ATP8B1: variants seen among roughly 807,000 people sequenced by gnomAD.
The protein encoded by ATP8B1 is ATPase phospholipid transporting 8B1.
ATP8B1 carries 80 observed loss-of-function variants against 149.9 expected under a neutral mutation model. The ratio of observed to expected loss-of-function variants is 0.53; its 90% CI spans 0.45 to 0.64. ATP8B1 has a LOEUF of 0.64. ATP8B1 is among the 30% of genes least tolerant of loss of function. The pLI, the probability that ATP8B1 is intolerant of heterozygous loss-of-function variation, is 0.00. For missense variants in ATP8B1, 1,247 were observed against 1,552.6 expected (o/e 0.80, Z 3.31); for synonymous variants, 536 against 562.8 (o/e 0.95, Z 0.67).
chr18:57,720,512 T>G (rs2079633177), intron 2 of ATP8B1, among the ~76,000 whole-genome samples: 1 of 113,626 alleles, frequency 8.8e-6, no homozygotes, highest in South Asian at 3.5e-4. Flanking sequence ...GAAGATGAAA[T>G]GAATGAAATG....
chr18:57,677,540 G>C (rs944752842), intron 15 of ATP8B1, among the ~76,000 whole-genome samples: 1 of 132,978 alleles, frequency 7.5e-6, no homozygotes, highest in Admixed American at 8.4e-5. Flanking sequence ...GTGGCAGAGA[G>C]AGCTAAACAC....
At chr18:57,790,067 C>T (rs1408788786) in intron 1 of ATP8B1, among the ~76,000 whole-genome samples, 3 of 152,188 alleles carry the variant, frequency 2.0e-5, no homozygotes, top group African/African-American at 7.2e-5. Flanking sequence ...TCAGTGATGC[C>T]ATCACCTTTA....
rs1419685258 is a variant in ATP8B1, at chr18:57,753,661, C to T, written c.-25-21829G>A. On this transcript the variant is annotated intron_variant, in intron 1 of 27. Transcript: ENST00000648908. Reference sequence around the variant, plus strand: ...ATGAAATACAGGCCGGGCACAGTGGCTCACGCCTGTAATCCCAGCGCTTTG... The same window carrying T: ...ATGAAATACAGGCCGGGCACAGTGGTTCACGCCTGTAATCCCAGCGCTTTG... Among the ~76,000 whole-genome samples the T allele has an allele frequency of 3.3e-5, 5 of 152,204 alleles. No homozygotes were observed. In the East Asian group the frequency reaches 9.6e-4, roughly 29 times the overall value.
intron 1 of ATP8B1, among the ~76,000 whole-genome samples, chr18:57,739,103 C>G (rs527337212): frequency 2.6e-5 from 4 of 152,250 alleles, no homozygotes; most frequent in Non-Finnish European, 5.9e-5. Flanking sequence ...TCAAGCGATT[C>G]TCCTGCCTCA....
At chr18:57,668,051 A>G in intron 19 of ATP8B1, 2 of 1,252,846 alleles carry the variant, frequency 1.6e-6, no homozygotes, top group Non-Finnish European at 2.1e-6. Flanking sequence ...AGAAAACCAA[A>G]GTTATTGTTC....
At chr18:57,719,116 C>G (rs1306818506) in intron 2 of ATP8B1, among the ~76,000 whole-genome samples, 1 of 152,154 alleles carries the variant, frequency 6.6e-6, no homozygotes, top group Non-Finnish European at 1.5e-5. Flanking sequence ...AAAGACTCCA[C>G]CAAAAAACTA....
intron 25 of ATP8B1, 119 bp from the exon 26 acceptor site, chr18:57,652,291 G>A (rs2122561298): frequency 6.8e-7 from 1 of 1,465,510 alleles, no homozygotes; most frequent in East Asian, 2.4e-5. Flanking sequence ...TTGAATACTG[G>A]ACCAGAAACT....
At chr18:57,664,501 G>GAA (rs532262308) in intron 20 of ATP8B1, among the ~76,000 whole-genome samples, 23,635 of 99,354 alleles carry the variant, frequency 0.24, 2,828 homozygotes, top group South Asian at 0.32. Context: ...GTCTTTCTAA[G>GAA]AAAAAAAAAA....
intron 20 of ATP8B1, among the ~76,000 whole-genome samples, chr18:57,665,238 A>G (rs1910778319): frequency 6.6e-6 from 1 of 151,788 alleles, no homozygotes; most frequent in African/African-American, 2.4e-5. Flanking sequence ...GCCGTAAGAG[A>G]AAAAAAATGA....
chr18:57,753,267 A>G (rs543419677), intron 1 of ATP8B1, among the ~76,000 whole-genome samples: 16 of 152,368 alleles, frequency 1.1e-4, no homozygotes, highest in African/African-American at 3.6e-4. Flanking sequence ...ACATTTCAAA[A>G]CCAGGTTGAA....
chr18:57,694,442 T>A (rs1384025313), intron 11 of ATP8B1, 140 bp downstream of exon 11: 7 of 613,996 alleles, frequency 1.1e-5, no homozygotes, highest in African/African-American at 5.6e-5. Context: ...CCCTTCTTCC[T>A]GCATTTGAAG....
chr18:57,649,045 G>A (rs978113840), intron 27 of ATP8B1, among the ~76,000 whole-genome samples: 3 of 151,932 alleles, frequency 2.0e-5, no homozygotes, highest in Admixed American at 6.6e-5. Flanking sequence ...TTACAGGCAC[G>A]CACTGCCACA....
intron 20 of ATP8B1, among the ~76,000 whole-genome samples, chr18:57,664,808 TG>T (rs1910753930): frequency 6.6e-6 from 1 of 152,210 alleles, no homozygotes; most frequent in Non-Finnish European, 1.5e-5. Flanking sequence ...TGATGTGATT[TG>T]CCTGCTGCAG....
Position 57,713,191 on chromosome 18 carries a change from CTTT to C in ATP8B1, c.182-6607_182-6605del, listed in dbSNP as rs1568207476. Among the ~76,000 whole-genome samples, 155 of 85,572 alleles carry C rather than the reference CTTT, an allele frequency of 1.8e-3. 1 individual carries two copies. Among genetic ancestry groups the C allele is most frequent in the Middle Eastern group, 4.6e-3 (1 of 218 alleles). The allele number at this position is 85,572 out of a possible 152,430, so 56.1% of individuals were successfully genotyped here. ...TCTTTCTTTCTTTCTTTCTTTCTTTCTTTCTTTCCTTCCTTCCTTCCTTCCTTC... is the reference window on the plus strand; with the variant it reads ...TCTTTCTTTCTTTCTTTCTTTCTTTCCTTTCCTTCCTTCCTTCCTTCCTTC... On this transcript the variant is annotated intron_variant, in intron 2 of 27. Coordinates refer to ENST00000648908, the MANE Select transcript of ATP8B1 (RefSeq NM_001374385.1).
intron 1 of ATP8B1, among the ~76,000 whole-genome samples, chr18:57,746,666 G>A (rs1456827065): frequency 1.3e-5 from 2 of 151,790 alleles, no homozygotes; most frequent in South Asian, 2.1e-4. Context: ...AGTAGAGACA[G>A]GGTTTTACCA....
chr18:57,764,371 T>C (rs1484126043), intron 1 of ATP8B1, among the ~76,000 whole-genome samples: 1 of 151,380 alleles, frequency 6.6e-6, no homozygotes, highest in Non-Finnish European at 1.5e-5. Context: ...CTTTCTTTCT[T>C]TCTTTCTCTT....
chr18:57,675,910 T>C (rs982556122), intron 15 of ATP8B1, among the ~76,000 whole-genome samples: 2 of 152,154 alleles, frequency 1.3e-5, no homozygotes, highest in Admixed American at 1.3e-4. Context: ...TTTCACCATG[T>C]TGCTCAGGCT....
intron 15 of ATP8B1, among the ~76,000 whole-genome samples, chr18:57,683,688 CTT>C (rs1488173797): frequency 3.3e-5 from 5 of 152,182 alleles, no homozygotes; most frequent in African/African-American, 1.2e-4. Flanking sequence ...TAAAGCTTGA[CTT>C]TTCACTCTCA....
At chr18:57,756,226 C>T (rs1272113419) in intron 1 of ATP8B1, among the ~76,000 whole-genome samples, 7 of 112,668 alleles carry the variant, frequency 6.2e-5, no homozygotes, top group African/African-American at 2.6e-4. Flanking sequence ...CACACACACA[C>T]ACACACACAC....
Sources: gnomAD v4.1 joint callset for allele counts (sites outside exome capture counted in the v4.1 genomes callset) on GRCh38, gnomAD v4.1.1 for gene constraint, MANE v1.5 for transcripts, NCBI Gene and HGNC (gene_info 2026-07-23, HGNC 2026-07-21) for gene names.